Variants in CEP78 observed in about 807,000 individuals in gnomAD.
The protein encoded by CEP78 is centrosomal protein 78, also known as centrosomal protein of 78 kDa.
Under a neutral mutation model 81.2 loss-of-function variants are expected in CEP78, and 76 were observed. That is an observed-to-expected ratio of 0.94 (90% CI 0.78 to 1.13). The LOEUF (loss-of-function observed/expected upper bound fraction) is 1.13, where lower values mean the gene tolerates loss of function less well. Among genes scored for constraint, CEP78 ranks in the 50% most tolerant of loss-of-function variants. CEP78 has a pLI of 0.00. For synonymous variants in CEP78, 293 were observed against 301.4 expected (o/e 0.97, Z 0.29); for missense variants, 918 against 846.8 (o/e 1.08, Z -1.04).
Position 78,277,106 on chromosome 9 carries a change from A to G in CEP78, c.*6255A>G, listed in dbSNP as rs1032233488. On this transcript the variant is annotated 3_prime_UTR_variant, in exon 17 of 17. Transcript: ENST00000643273. ...AGAGAAGGGTTTGAACTATTCAGTA[A>G]ATGATGTTGAGGTTATTTACTACTT... 1 of 152,158 alleles carries G rather than the reference A, an allele frequency of 6.6e-6. No individual in the cohort carries two copies. Among genetic ancestry groups the G allele is most frequent in the Non-Finnish European group, 1.5e-5 (1 of 68,006 alleles). 9.4% of individuals were successfully genotyped at this position (152,158 alleles called of 1,614,324 possible). A position where few individuals can be genotyped will look rare whatever the true frequency, so the allele number is the denominator to read the frequency against.
rs1175498394 is a variant in CEP78, at chr9:78,273,256, G to A, written c.*2405G>A. On this transcript the variant is annotated 3_prime_UTR_variant, in exon 17 of 17. Transcript: ENST00000643273. ...TGCTATTTGCAAAATCTAAAACGCT[G>A]TCATAGATTATAAAGAGATGAACAA... The A allele has an allele frequency of 6.6e-6, 1 of 152,172 alleles. No homozygotes were observed. The allele number at this position is 152,172 out of a possible 1,614,324, so 9.4% of individuals were successfully genotyped here.
chr9:78,272,840 G>C lies in CEP78; in HGVS notation c.*1989G>C, dbSNP rs969322524. 6.6e-6 allele frequency: 1 copy of C among 152,216 alleles called. No individual in the cohort carries two copies. The highest frequency in any genetic ancestry group is 2.4e-5 in the African/African-American group (1 of 41,468). 9.4% of individuals were successfully genotyped at this position (152,216 alleles called of 1,614,324 possible). On this transcript the variant is annotated 3_prime_UTR_variant, in exon 17 of 17. Coordinates refer to ENST00000643273, the MANE Select transcript of CEP78 (RefSeq NM_001330691.3). ...ACTATTTGGAACATTGCTGGTTGCA[G>C]TGTCCAAGGAAAGACAGTATGATGC...
In CEP78 at chr9:78,264,159, G is replaced by A; in HGVS notation, c.1468G>A (p.Glu490Lys). Residue 490 changes from glutamate (E) to lysine (K), a missense_variant, in exon 13 of 17, where the codon GAA (glutamate) becomes AAA (lysine). Physicochemically the swap from Glu to Lys is moderately conservative, Grantham distance 56. Coordinates refer to ENST00000643273, the MANE Select transcript of CEP78 (RefSeq NM_001330691.3). ...CAATCTTCTTTTATAGCTGGAACAT[G>A]AAAATGCCCAGTTAAGAAATATAAA... ...VDKRVSELEH[E>K]NAQLRNINFS... 6.9e-7 allele frequency: 1 copy of A among 1,448,748 alleles called. No individual in the cohort carries two copies. Among genetic ancestry groups the A allele is most frequent in the Non-Finnish European group, 9.1e-7 (1 of 1,095,902 alleles). The allele number at this position is 1,448,748 out of a possible 1,614,324, so 89.7% of individuals were successfully genotyped here.
chr9:78,269,666 C>G (rs899767476), intron 16 of CEP78, among the ~76,000 whole-genome samples: 1 of 152,174 alleles, frequency 6.6e-6, no homozygotes, highest in Non-Finnish European at 1.5e-5. Context: ...GAGAGCAATT[C>G]ACTGAATTGG....
At chr9:78,261,888 A>G (rs1359736940) in intron 11 of CEP78, among the ~76,000 whole-genome samples, 1 of 152,174 alleles carries the variant, frequency 6.6e-6, no homozygotes, top group Non-Finnish European at 1.5e-5. Context: ...TAGGGCATTT[A>G]CTGATTTTTC....
intron 14 of CEP78, 123 bp downstream of exon 14, chr9:78,265,666 T>A (rs1213094605): frequency 2.2e-5 from 21 of 946,478 alleles, no homozygotes; most frequent in Middle Eastern, 2.7e-4. Flanking sequence ...ATCTTTGGGG[T>A]CCTTTCCAAG....
chr9:78,260,272 T>C (rs1433261169), intron 11 of CEP78, among the ~76,000 whole-genome samples: 1 of 152,212 alleles, frequency 6.6e-6, no homozygotes, highest in African/African-American at 2.4e-5. Flanking sequence ...ATTCTAAATA[T>C]GGGAGAACAA....
intron 16 of CEP78, among the ~76,000 whole-genome samples, chr9:78,267,442 C>G (rs934545483): frequency 6.6e-6 from 1 of 152,074 alleles, no homozygotes; most frequent in African/African-American, 2.4e-5. Context: ...TAATATATAA[C>G]CAGAGCAGCA....
Position 78,271,082 on chromosome 9 carries a change from C to A in CEP78, c.*231C>A, listed in dbSNP as rs1455138601. The A allele has an allele frequency of 9.2e-6, 4 of 436,582 alleles. No homozygotes were observed. The highest frequency in any genetic ancestry group is 4.4e-5 in the Admixed American group (1 of 22,852). 27.0% of individuals were successfully genotyped at this position (436,582 alleles called of 1,614,324 possible). ...GCTCTGACCCAAGAAATGCTGGGAT[C>A]GGAGAATAAGGGAATTATCCAAAAT... On this transcript the variant is annotated 3_prime_UTR_variant, in exon 17 of 17. Transcript: ENST00000643273.
chr9:78,268,680 C>CTTTTTTT (rs1221969870), intron 16 of CEP78, among the ~76,000 whole-genome samples: 71 of 130,672 alleles, frequency 5.4e-4, no homozygotes, highest in Admixed American at 1.8e-3. Flanking sequence ...GGTTTCTTTT[C>CTTTTTTT]TTTTTTTTTT....
intron 8 of CEP78, chr9:78,249,413 T>G (rs1015004498): frequency 6.6e-6 from 1 of 152,158 alleles, no homozygotes; most frequent in South Asian, 2.1e-4. Context: ...AAAACAATAC[T>G]GCAGGTAAGT....
intron 13 of CEP78, 56 bp downstream of exon 13, chr9:78,264,372 C>A: frequency 6.7e-7 from 1 of 1,503,606 alleles, no homozygotes; most frequent in Non-Finnish European, 9.1e-7. Context: ...TGGTGTTTTG[C>A]TGAGGAACTT....
intron 8 of CEP78, among the ~76,000 whole-genome samples, chr9:78,250,632 G>A (rs573143838): frequency 2.0e-5 from 3 of 152,156 alleles, no homozygotes; most frequent in South Asian, 2.1e-4. Context: ...CAAGCTCCTC[G>A]AAAGGCTAAG....
At chr9:78,255,028 A>G in intron 11 of CEP78, 64 bp downstream of exon 11, 1 of 1,431,738 alleles carries the variant, frequency 7.0e-7, no homozygotes. Flanking sequence ...GTTTTTGGTG[A>G]AAGCTTGATT....
chr9:78,259,495 C>A (rs1827181399), intron 11 of CEP78, among the ~76,000 whole-genome samples: 1 of 152,154 alleles, frequency 6.6e-6, no homozygotes, highest in African/African-American at 2.4e-5. Flanking sequence ...ATTTAAAAAA[C>A]CTGCTTAAAG....
Position 78,263,134 on chromosome 9 carries a change from A to G in CEP78, c.1458+150A>G, listed in dbSNP as rs17064263. 3,577 of 419,410 alleles carry G rather than the reference A, an allele frequency of 8.5e-3. 101 individuals are homozygous for G. The highest frequency in any genetic ancestry group is 0.065 in the African/African-American group (3,175 of 48,904). The allele number at this position is 419,410 out of a possible 1,614,324, so 26.0% of individuals were successfully genotyped here. On this transcript the variant is annotated intron_variant, in intron 12 of 16. Transcript: ENST00000643273. ...AGTATGTTAATGTTTGTATTTACTTATATTTGGTGACCGTGTGATCTGTAT... is the reference window on the plus strand; with the variant it reads ...AGTATGTTAATGTTTGTATTTACTTGTATTTGGTGACCGTGTGATCTGTAT...
chr9:78,253,998 T>C (rs566342531), intron 10 of CEP78: 9 of 152,330 alleles, frequency 5.9e-5, no homozygotes, highest in African/African-American at 2.2e-4. Context: ...TTCTCTTCTG[T>C]ACAGTTATGT....
chr9:78,236,457 C>T lies in CEP78; in HGVS notation c.107C>T (p.Ala36Val). ...TCGGTGCCGCTGCCCGCCGTGCGCGCCTGTCTCCGGGAGGGCGTGCTGGAT... is the reference window on the plus strand; with the variant it reads ...TCGGTGCCGCTGCCCGCCGTGCGCGTCTGTCTCCGGGAGGGCGTGCTGGAT... The part of the protein sequence containing the change: ...QNSVPLPAVR[A>V]CLREGVLDFN... Residue 36 changes from alanine to valine, a missense_variant, in exon 1 of 17, where the codon GCC (alanine) becomes GTC (valine). Coordinates refer to ENST00000643273, the MANE Select transcript of CEP78 (RefSeq NM_001330691.3). The T allele has an allele frequency of 6.2e-7, 1 of 1,605,674 alleles. No individual in the cohort carries two copies. The highest frequency in any genetic ancestry group is 8.5e-7 in the Non-Finnish European group (1 of 1,176,322).
intron 3 of CEP78, among the ~76,000 whole-genome samples, chr9:78,240,853 C>T (rs1234167173): frequency 6.6e-6 from 1 of 151,782 alleles, no homozygotes; most frequent in Non-Finnish European, 1.5e-5. Flanking sequence ...GTCCCAGCCA[C>T]TCAGGAGGCT....
Sources: gnomAD v4.1 joint callset for allele counts (sites outside exome capture counted in the v4.1 genomes callset) on GRCh38, gnomAD v4.1.1 for gene constraint, MANE v1.5 for transcripts, NCBI Gene and HGNC (gene_info 2026-07-23, HGNC 2026-07-21) for gene names.